The following GSDME variants were observed in gnomAD, a reference collection of about 807,000 sequenced individuals.
GSDME encodes gasdermin-E.
A neutral mutation model predicts 47.5 loss-of-function variants in GSDME; 44 were observed. The ratio of observed to expected loss-of-function variants is 0.93; its 90% CI spans 0.73 to 1.19. The LOEUF is 1.19. Among genes scored for constraint, GSDME ranks in the 50% most tolerant of loss-of-function variants. GSDME has a pLI of 0.00. For synonymous variants in GSDME, 258 were observed against 252.8 expected (o/e 1.02, Z -0.20); for missense variants, 663 against 604.2 (o/e 1.10, Z -1.02).
rs567274686 is a variant in GSDME, at chr7:24,735,194, CA to C, written c.404+9367del. Among the ~76,000 whole-genome samples the C allele has an allele frequency of 5.5e-3, 837 of 152,228 alleles. 8 individuals are homozygous for C. Among genetic ancestry groups the C allele is most frequent in the African/African-American group, 0.018 (767 of 41,516 alleles). On this transcript the variant is annotated intron_variant, in intron 3 of 9. Transcript: ENST00000645220. This position sits in a 1 kb window ranked among gnomAD's most constrained non-coding sequence, Gnocchi z 4.4. ...GTTTACACTAGAATAGTATATTCAG[CA>C]AAACTATCCTTCAAACATGAAGGAG...
At chr7:24,782,211 C>A in the GSDME span, among the ~76,000 whole-genome samples, 3 of 111,600 alleles carry the variant, frequency 2.7e-5, no homozygotes, top group Non-Finnish European at 5.3e-5. Flanking sequence ...TGCTATCCCT[C>A]CCCCCTCCCC....
At chr7:24,791,928 G>A in the GSDME span, among the ~76,000 whole-genome samples, 17 of 152,314 alleles carry the variant, frequency 1.1e-4, no homozygotes, top group Admixed American at 3.3e-4. This position sits in a 1 kb window ranked among gnomAD's most constrained non-coding sequence, Gnocchi z 4.8. Context: ...GATGGCCCTC[G>A]GGGGCTGACC....
Position 24,698,769 on chromosome 7 carries a change from C to T in GSDME, c.*257G>A, listed in dbSNP as rs1584037034. ...CGTCTGAATGTATGCTAAGAATTCT[C>T]CGCCCTCCCAGCTCTTTACATGCTG... is the stretch of plus-strand genomic sequence containing the variant. On this transcript the variant is annotated 3_prime_UTR_variant, in exon 10 of 10. Transcript: ENST00000645220. The T allele has an allele frequency of 3.9e-6, 2 of 519,440 alleles. No individual in the cohort carries two copies. Among genetic ancestry groups the T allele is most frequent in the East Asian group, 3.4e-5 (1 of 29,014 alleles). The allele number at this position is 519,440 out of a possible 1,614,324, so 32.2% of individuals were successfully genotyped here.
the GSDME span, among the ~76,000 whole-genome samples, chr7:24,773,178 A>G: frequency 1.3e-5 from 2 of 152,170 alleles, no homozygotes; most frequent in Non-Finnish European, 2.9e-5. The surrounding 1 kb of genome is among the most constrained non-coding windows in gnomAD (Gnocchi z 5.4). Context: ...ATGTTTTTCC[A>G]TCTTCTTTTC....
the GSDME span, among the ~76,000 whole-genome samples, chr7:24,763,048 A>G: frequency 6.6e-6 from 1 of 152,160 alleles, no homozygotes; most frequent in Admixed American, 6.5e-5. This position sits in a 1 kb window ranked among gnomAD's most constrained non-coding sequence, Gnocchi z 4.3. Context: ...CTCCCAGTGG[A>G]TGCCTGAAAT....
intron 5 of GSDME, 143 bp from the exon 6 acceptor site, chr7:24,710,531 A>AT: frequency 1.3e-6 from 1 of 766,574 alleles, no homozygotes; most frequent in East Asian, 2.6e-5. Flanking sequence ...TCCCCATAAA[A>AT]TTCGATCCCT....
At chr7:24,707,959 G>A in intron 7 of GSDME, 168 bp downstream of exon 7, 1 of 762,276 alleles carries the variant, frequency 1.3e-6, no homozygotes, top group Non-Finnish European at 2.1e-6. Context: ...TCCACCCGAT[G>A]CCAGCTACCT....
At position 24,719,266 on chromosome 7, in the gene GSDME, TGG is replaced by T. The variant is rs751545872; in HGVS notation, c.405-50_405-49del. ...AGTGGCTTAGTGCCTCAGGGGACAT[TGG>T]TGTAGTGTGAATTTCCTCTTGCACA... On this transcript the variant is annotated intron_variant, in intron 3 of 9. Coordinates refer to ENST00000645220, the MANE Select transcript of GSDME (RefSeq NM_001127453.2). 13 of 1,583,374 alleles carry T rather than the reference TGG, an allele frequency of 8.2e-6. No homozygotes were observed. In the East Asian group the frequency reaches 2.9e-4, roughly 36 times the overall value.
chr7:24,702,879 A>T (rs766037168), intron 8 of GSDME, 46 bp from the exon 9 acceptor site: 6 of 1,550,476 alleles, frequency 3.9e-6, no homozygotes, highest in Non-Finnish European at 4.4e-6. Flanking sequence ...AAACAAGTCC[A>T]TGGGAACAGA....
chr7:24,719,200 G>T lies in GSDME; in HGVS notation c.423C>A (p.Asn141Lys), dbSNP rs764265448. The T allele has an allele frequency of 1.9e-6, 3 of 1,612,302 alleles. No individual in the cohort carries two copies. Among genetic ancestry groups the T allele is most frequent in the South Asian group, 1.1e-5 (1 of 91,082 alleles). The change falls in exon 4 of 10, where the codon AAC becomes AAA. Residue 141 changes from asparagine to lysine, a missense_variant. Physicochemically the swap from Asn to Lys is moderately conservative, Grantham distance 94 (BLOSUM62 0). Coordinates refer to ENST00000645220, the MANE Select transcript of GSDME (RefSeq NM_001127453.2). ...DSAERTINLRNPVLQQVLEGR... is the reference protein window; with the variant it reads ...DSAERTINLRKPVLQQVLEGR... ...CTTCCAGCACCTGCTGGAGCACAGGGTTTCTCAGATTTATTGTTCTGAAAA... is the reference window on the plus strand; with the variant it reads ...CTTCCAGCACCTGCTGGAGCACAGGTTTTCTCAGATTTATTGTTCTGAAAA...
rs1315891702 is a variant in GSDME, at chr7:24,724,018, G to A, written c.405-4800C>T. ...TTCTTTCCTCTCGGGCCCTGTGAGA[G>A]CCACTGAGCAACACAGACAGAATGG... On this transcript the variant is annotated intron_variant, in intron 3 of 9. Transcript: ENST00000645220. The surrounding 1 kb of genome is among the most constrained non-coding windows in gnomAD (Gnocchi z 4.8). Among the ~76,000 whole-genome samples, 1 of 152,108 alleles carries A rather than the reference G, an allele frequency of 6.6e-6. No homozygotes were observed. The highest frequency in any genetic ancestry group is 1.5e-5 in the Non-Finnish European group (1 of 68,032).
In GSDME at chr7:24,725,572, G is replaced by A. The variant is rs1789938104; in HGVS notation, c.405-6354C>T. Among the ~76,000 whole-genome samples, 1 of 152,312 alleles carries A rather than the reference G, an allele frequency of 6.6e-6. No homozygotes were observed. ...CCCGTTTAAGGGCTCACAACTCTAA[G>A]GGGGTGCGCATGAGAGGGTCGTGAT... On this transcript the variant is annotated intron_variant, in intron 3 of 9. Coordinates refer to ENST00000645220, the MANE Select transcript of GSDME (RefSeq NM_001127453.2). The surrounding 1 kb of genome is among the most constrained non-coding windows in gnomAD (Gnocchi z 5.1).
At chr7:24,707,693 C>G (rs887813726) in intron 7 of GSDME, 26 of 382,428 alleles carry the variant, frequency 6.8e-5, no homozygotes, top group Non-Finnish European at 1.1e-4. Flanking sequence ...GACACACACA[C>G]ACACACAGAG....
At chr7:24,793,720 AATTT>A in the GSDME span, among the ~76,000 whole-genome samples, 2 of 152,050 alleles carry the variant, frequency 1.3e-5, no homozygotes, top group South Asian at 2.1e-4. Flanking sequence ...ACAACCAGTT[AATTT>A]ATTTTAGGAC....
At chr7:24,785,108 G>A in the GSDME span, among the ~76,000 whole-genome samples, 3 of 152,100 alleles carry the variant, frequency 2.0e-5, no homozygotes, top group Non-Finnish European at 4.4e-5. Flanking sequence ...TTTGAGTCCC[G>A]CCTGATGCCT....
At chr7:24,795,116 C>G in the GSDME span, among the ~76,000 whole-genome samples, 1 of 152,186 alleles carries the variant, frequency 6.6e-6, no homozygotes, top group Non-Finnish European at 1.5e-5. Context: ...GGACTCCAAG[C>G]GCCGATTCCT....
In GSDME at chr7:24,733,548, C is replaced by T. The variant is rs752378948; in HGVS notation, c.404+11014G>A. On this transcript the variant is annotated intron_variant, in intron 3 of 9. Transcript: ENST00000645220. This position sits in a 1 kb window ranked among gnomAD's most constrained non-coding sequence, Gnocchi z 4.3. ...CTACCCAGGCCCACAGGGGACCCCACTGCCCTGAAGAGTGCGTCTCAAACC... is the reference window on the plus strand; with the variant it reads ...CTACCCAGGCCCACAGGGGACCCCATTGCCCTGAAGAGTGCGTCTCAAACC... 2.0e-5 allele frequency among the ~76,000 whole-genome samples: 3 copies of T among 152,186 alleles called. No homozygotes were observed. Among genetic ancestry groups the T allele is most frequent in the Non-Finnish European group, 4.4e-5 (3 of 68,040 alleles).
intron 1 of GSDME, among the ~76,000 whole-genome samples, chr7:24,752,031 T>C (rs1790876018): frequency 6.6e-6 from 1 of 152,154 alleles, no homozygotes; most frequent in African/African-American, 2.4e-5. Flanking sequence ...CCAAGCTGCA[T>C]TGTGTAGGCT....
At chr7:24,782,819 G>T in the GSDME span, among the ~76,000 whole-genome samples, 1 of 152,208 alleles carries the variant, frequency 6.6e-6, no homozygotes, top group Admixed American at 6.5e-5. Flanking sequence ...GATGACCAGT[G>T]ATGATGAGTA....
Sources: allele counts gnomAD v4.1 joint callset (sites outside exome capture counted in the v4.1 genomes callset), GRCh38; gene constraint gnomAD v4.1.1; non-coding constraint Gnocchi (gnomAD v3.1); transcripts MANE v1.5; gene names NCBI Gene and HGNC (gene_info 2026-07-23, HGNC 2026-07-21).